The following CHRNA7 variants were observed in gnomAD, a reference collection of about 807,000 sequenced individuals.
CHRNA7 encodes neuronal acetylcholine receptor subunit alpha-7.
Under a neutral mutation model 48.0 loss-of-function variants are expected in CHRNA7, and 17 were observed. That is an observed-to-expected ratio of 0.35 (90% CI 0.24 to 0.53). The LOEUF (loss-of-function observed/expected upper bound fraction) is 0.53. Among genes scored for constraint, CHRNA7 ranks in the 20% least tolerant of loss-of-function variants. The pLI is 0.92. For missense variants in CHRNA7, 155 were observed against 577.7 expected (o/e 0.27, Z 7.50); for synonymous variants, 75 against 242.3 (o/e 0.31, Z 6.41).
At chr15:32,134,874 T>C (rs756520960) in intron 4 of CHRNA7, among the ~76,000 whole-genome samples, 2 of 152,150 alleles carry the variant, frequency 1.3e-5, no homozygotes, top group African/African-American at 4.8e-5. Flanking sequence ...TGAGACACAG[T>C]TGAAGGAGCA....
chr15:32,071,031 T>C (rs2141218514), intron 2 of CHRNA7, among the ~76,000 whole-genome samples: 1 of 152,248 alleles, frequency 6.6e-6, no homozygotes, highest in South Asian at 2.1e-4. Context: ...CAGCCCCATT[T>C]GTTGAAAAGA....
At chr15:32,096,916 C>T (rs1463785953) in intron 2 of CHRNA7, among the ~76,000 whole-genome samples, 3 of 152,180 alleles carry the variant, frequency 2.0e-5, no homozygotes, top group Admixed American at 2.0e-4. Context: ...GCCACACCGG[C>T]CTTCTGGGAT....
chr15:32,092,185 T>C (rs942503137), intron 2 of CHRNA7, among the ~76,000 whole-genome samples: 3 of 152,248 alleles, frequency 2.0e-5, no homozygotes, highest in Admixed American at 6.5e-5. Context: ...AGTAACTTAA[T>C]TTTTTAGCTG....
intron 2 of CHRNA7, among the ~76,000 whole-genome samples, chr15:32,039,384 A>G (rs1041951808): frequency 1.2e-4 from 18 of 152,088 alleles, no homozygotes; most frequent in African/African-American, 3.9e-4. Flanking sequence ...GTACATTTCA[A>G]TACTGTATTC....
intron 2 of CHRNA7, among the ~76,000 whole-genome samples, chr15:32,087,279 AT>A (rs1399876492): frequency 6.6e-6 from 1 of 152,080 alleles, no homozygotes; most frequent in Non-Finnish European, 1.5e-5. Context: ...TACTTGTTAA[AT>A]TTGCTGCAGT....
intron 4 of CHRNA7, among the ~76,000 whole-genome samples, chr15:32,138,265 A>G (rs1228949110): frequency 1.3e-5 from 2 of 152,312 alleles, no homozygotes; most frequent in South Asian, 4.1e-4. Context: ...ATACTTAAAA[A>G]TAGAATATTG....
At chr15:32,094,016 C>T (rs1216429527) in intron 2 of CHRNA7, among the ~76,000 whole-genome samples, 1 of 152,164 alleles carries the variant, frequency 6.6e-6, no homozygotes, top group Non-Finnish European at 1.5e-5. Flanking sequence ...GCAACATCTC[C>T]AATCTCAGGA....
chr15:32,095,951 A>G (rs924049031), intron 2 of CHRNA7, among the ~76,000 whole-genome samples: 1 of 152,250 alleles, frequency 6.6e-6, no homozygotes. Flanking sequence ...AGGTTTCTGT[A>G]CTTAGCTGTG....
chr15:32,064,212 C>T (rs921070342), intron 2 of CHRNA7, among the ~76,000 whole-genome samples: 3 of 152,072 alleles, frequency 2.0e-5, no homozygotes, highest in East Asian at 1.9e-4. Flanking sequence ...AAGTTGTCCT[C>T]GTCTTCCTCC....
Position 32,061,398 on chromosome 15 carries a change from C to T in CHRNA7, c.195+30361C>T, listed in dbSNP as rs146125571. Among the ~76,000 whole-genome samples, 95 of 152,290 alleles carry T rather than the reference C, an allele frequency of 6.2e-4. 2 individuals are homozygous for T. Among genetic ancestry groups the T allele is most frequent in the Admixed American group, 5.8e-3 (88 of 15,302 alleles). ...ATAAAGAGACTTCCAGATCCCTTCCCATCAGAATTAACCTTTTGCACTCCC... is the reference window on the plus strand; with the variant it reads ...ATAAAGAGACTTCCAGATCCCTTCCTATCAGAATTAACCTTTTGCACTCCC... On this transcript the variant is annotated intron_variant, in intron 2 of 9. Coordinates refer to ENST00000306901, the MANE Select transcript of CHRNA7 (RefSeq NM_000746.6).
At chr15:32,068,942 T>A (rs921741385) in intron 2 of CHRNA7, among the ~76,000 whole-genome samples, 2 of 152,154 alleles carry the variant, frequency 1.3e-5, no homozygotes, top group Non-Finnish European at 2.9e-5. Flanking sequence ...TCAATAATGA[T>A]AGAAACACTA....
chr15:32,084,529 C>T (rs1448767536), intron 2 of CHRNA7, among the ~76,000 whole-genome samples: 1 of 152,210 alleles, frequency 6.6e-6, no homozygotes, highest in Non-Finnish European at 1.5e-5. Context: ...CGTGGTGGCT[C>T]CAGTAGAGGA....
At chr15:32,061,480 GAC>G (rs1451109446) in intron 2 of CHRNA7, among the ~76,000 whole-genome samples, 1 of 152,110 alleles carries the variant, frequency 6.6e-6, no homozygotes, top group Non-Finnish European at 1.5e-5. Context: ...TTCAGAGAGA[GAC>G]AAAATGTTTG....
chr15:32,079,738 A>G (rs1397404990), intron 2 of CHRNA7, among the ~76,000 whole-genome samples: 1 of 151,968 alleles, frequency 6.6e-6, no homozygotes, highest in African/African-American at 2.4e-5. Context: ...GACAGATTTA[A>G]TGCTATTCCC....
At chr15:32,031,089 G>A (rs1901814734) in intron 2 of CHRNA7, 52 bp downstream of exon 2, 2 of 1,607,116 alleles carry the variant, frequency 1.2e-6, no homozygotes, top group African/African-American at 1.3e-5. Flanking sequence ...GGGCTCCGAG[G>A]GGCTTTTTAG....
intron 4 of CHRNA7, among the ~76,000 whole-genome samples, chr15:32,137,035 AAAAAAAAAAAAG>A (rs996738981): frequency 6.8e-6 from 1 of 147,194 alleles, no homozygotes; most frequent in African/African-American, 2.5e-5. Flanking sequence ...CCGTCTCAAA[AAAAAAAAAAAAG>A]AAAAAAAAAA....
chr15:32,134,557 A>G (rs903375519), intron 4 of CHRNA7, among the ~76,000 whole-genome samples: 24 of 152,242 alleles, frequency 1.6e-4, no homozygotes, highest in African/African-American at 5.8e-4. Context: ...ACACTATAAG[A>G]AATAATATGG....
chr15:32,101,596 C>T, intron 3 of CHRNA7: 1 of 458,524 alleles, frequency 2.2e-6, no homozygotes, highest in South Asian at 4.2e-5. Flanking sequence ...TGTGGGGACA[C>T]TTCAGAAGCA....
At chr15:32,108,955 C>G (rs1378882513) in intron 3 of CHRNA7, among the ~76,000 whole-genome samples, 3 of 152,150 alleles carry the variant, frequency 2.0e-5, no homozygotes, top group Admixed American at 2.0e-4. Flanking sequence ...CTGTCTGATG[C>G]GGATGCTTTT....
Sources: gnomAD v4.1 joint callset for allele counts (sites outside exome capture counted in the v4.1 genomes callset) on GRCh38, gnomAD v4.1.1 for gene constraint, MANE v1.5 for transcripts, NCBI Gene and HGNC (gene_info 2026-07-23, HGNC 2026-07-21) for gene names.